The following SND1 variants were observed in gnomAD, a reference collection of about 807,000 sequenced individuals.
The protein encoded by SND1 is staphylococcal nuclease and tudor domain containing 1.
SND1 carries 38 observed loss-of-function variants against 121.7 expected under a neutral mutation model. The ratio of observed to expected loss-of-function variants is 0.31; its 90% CI spans 0.24 to 0.41. The LOEUF (loss-of-function observed/expected upper bound fraction) is 0.41, where lower values mean the gene tolerates loss of function less well. Ranked by LOEUF, SND1 falls within the 10% of genes least tolerant of loss-of-function variation. The probability of loss-of-function intolerance (pLI) is 1.00; values close to 1 mark genes in which losing one functional copy is unlikely to be tolerated. For missense variants in SND1, 868 were observed against 1,184.6 expected, an observed-to-expected ratio of 0.73 and a Z score of 3.92; for synonymous variants, 401 against 447.4, an observed-to-expected ratio of 0.90 and a Z score of 1.31.
intron 22 of SND1, among the ~76,000 whole-genome samples, chr7:128,090,145 C>A (rs1458575473): frequency 3.3e-5 from 5 of 150,624 alleles, no homozygotes; most frequent in African/African-American, 1.3e-4. Flanking sequence ...AACCCTCTGG[C>A]TATTTGGAAA....
At chr7:127,736,725 C>T (rs888077430) in intron 10 of SND1, among the ~76,000 whole-genome samples, 1 of 152,174 alleles carries the variant, frequency 6.6e-6, no homozygotes, top group Non-Finnish European at 1.5e-5. Flanking sequence ...GGCTGTGATC[C>T]AGGCCCTTTG....
chr7:128,008,088 A>G (rs953287262), intron 16 of SND1: 2 of 152,262 alleles, frequency 1.3e-5, no homozygotes, highest in African/African-American at 4.8e-5. Context: ...ATAATTTGAG[A>G]ATATGACAGT....
At chr7:128,017,036 CTT>C (rs566584010) in intron 16 of SND1, among the ~76,000 whole-genome samples, 1 of 152,222 alleles carries the variant, frequency 6.6e-6, no homozygotes, top group South Asian at 2.1e-4. Context: ...CTGCCAGAAA[CTT>C]TAGCCAGCAA....
chr7:127,652,233 C>T lies in SND1; in HGVS notation c.-141C>T, dbSNP rs1437507751. On this transcript the variant is annotated 5_prime_UTR_variant, in exon 1 of 24. Coordinates refer to ENST00000354725, the MANE Select transcript of SND1 (RefSeq NM_014390.4). The stretch of plus-strand genomic sequence containing the variant: ...GTCCCGCTGCTGCTCCTGTGAGCGC[C>T]CGGCGAGTCCGTCCCGTCCACCGTC... The T allele has an allele frequency of 4.1e-6, 3 of 737,980 alleles. No individual in the cohort carries two copies. The African/African-American group carries it at 5.2e-5, about 13-fold the overall frequency. The allele number at this position is 737,980 out of a possible 1,614,324, so 45.7% of individuals were successfully genotyped here. A position where few individuals can be genotyped will look rare whatever the true frequency, so the allele number is the denominator to read the frequency against.
chr7:128,035,329 A>G (rs1446025323), intron 16 of SND1, among the ~76,000 whole-genome samples: 1 of 152,238 alleles, frequency 6.6e-6, no homozygotes, highest in Non-Finnish European at 1.5e-5. Flanking sequence ...AATTGTAGCC[A>G]AGTCTTGGAA....
At chr7:127,935,613 G>A (rs1405344886) in intron 15 of SND1, among the ~76,000 whole-genome samples, 1 of 152,212 alleles carries the variant, frequency 6.6e-6, no homozygotes, top group Non-Finnish European at 1.5e-5. Context: ...GAGGGAGTAG[G>A]CTTGGAGAGA....
At chr7:128,067,800 T>A (rs985580947) in intron 16 of SND1, among the ~76,000 whole-genome samples, 1 of 152,108 alleles carries the variant, frequency 6.6e-6, no homozygotes, top group Non-Finnish European at 1.5e-5. Flanking sequence ...AAGGCTTGTA[T>A]GTGTGTGGGG....
chr7:127,734,969 G>A (rs1036786525), intron 10 of SND1, among the ~76,000 whole-genome samples: 3 of 152,206 alleles, frequency 2.0e-5, no homozygotes, highest in Admixed American at 6.5e-5. Context: ...CATTCTTTTT[G>A]TGGAGGAAGT....
At chr7:127,766,440 C>G (rs568563477) in intron 10 of SND1, among the ~76,000 whole-genome samples, 1 of 152,244 alleles carries the variant, frequency 6.6e-6, no homozygotes, top group Admixed American at 6.5e-5. Flanking sequence ...GGTTGATTTT[C>G]TTTTGTGTGG....
intron 16 of SND1, chr7:128,028,856 T>C: frequency 1.2e-6 from 2 of 1,614,230 alleles, no homozygotes; most frequent in Non-Finnish European, 1.7e-6. Flanking sequence ...GCAGCACTAC[T>C]GCCCCCTCAC....
At chr7:127,854,447 ATC>A (rs2116667811) in intron 12 of SND1, among the ~76,000 whole-genome samples, 1 of 151,768 alleles carries the variant, frequency 6.6e-6, no homozygotes, top group East Asian at 1.9e-4. Flanking sequence ...TCTTTTCCAT[ATC>A]TGTCTTTCTC....
At chr7:127,973,874 G>A (rs1249677386) in intron 15 of SND1, among the ~76,000 whole-genome samples, 1 of 152,208 alleles carries the variant, frequency 6.6e-6, no homozygotes, top group Non-Finnish European at 1.5e-5. Context: ...TGAATTGAGT[G>A]GCCTTCCCTG....
chr7:127,885,510 A>G (rs1388842293), intron 12 of SND1, among the ~76,000 whole-genome samples: 2 of 152,116 alleles, frequency 1.3e-5, no homozygotes, highest in Non-Finnish European at 2.9e-5. Flanking sequence ...TGATTTGGGA[A>G]TCTAAGGCCT....
intron 15 of SND1, among the ~76,000 whole-genome samples, chr7:127,978,018 G>A (rs1802166033): frequency 6.6e-6 from 1 of 152,208 alleles, no homozygotes; most frequent in Non-Finnish European, 1.5e-5. Context: ...TCCAAGGGGA[G>A]ACGTGGGCAG....
intron 15 of SND1, among the ~76,000 whole-genome samples, chr7:127,971,771 A>ATTTTT (rs200086577): frequency 7.1e-6 from 1 of 141,098 alleles, no homozygotes; most frequent in Non-Finnish European, 1.6e-5. Flanking sequence ...TGCTGAATTA[A>ATTTTT]TTTTTTTTTT....
chr7:127,835,736 G>A (rs928276353), intron 11 of SND1, among the ~76,000 whole-genome samples: 6 of 152,114 alleles, frequency 3.9e-5, no homozygotes, highest in African/African-American at 1.4e-4. Flanking sequence ...GAGATTTAAT[G>A]AAACTGCTGG....
intron 12 of SND1, among the ~76,000 whole-genome samples, chr7:127,876,053 A>G (rs1174510520): frequency 6.6e-6 from 1 of 152,142 alleles, no homozygotes; most frequent in Non-Finnish European, 1.5e-5. Context: ...CGTTTAGAAT[A>G]GTGCTCAGTA....
intron 16 of SND1, chr7:128,030,831 C>G: frequency 1.6e-6 from 1 of 632,478 alleles, no homozygotes; most frequent in Admixed American, 3.5e-5. Flanking sequence ...CCTGGTCTCC[C>G]AACCCACCCT....
At chr7:127,768,024 C>T (rs1797450797) in intron 10 of SND1, among the ~76,000 whole-genome samples, 1 of 152,162 alleles carries the variant, frequency 6.6e-6, no homozygotes, top group Non-Finnish European at 1.5e-5. Context: ...AACCCCTTTC[C>T]ATACGTACCT....
Sources: allele counts gnomAD v4.1 joint callset (sites outside exome capture counted in the v4.1 genomes callset), GRCh38; gene constraint gnomAD v4.1.1; transcripts MANE v1.5; gene names NCBI Gene and HGNC (gene_info 2026-07-23, HGNC 2026-07-21).